Variants in ZNF251 observed in about 807,000 individuals in gnomAD.
The protein encoded by ZNF251 is zinc finger protein 251.
ZNF251 carries 14 observed loss-of-function variants against 13.5 expected under a neutral mutation model. That is an observed-to-expected ratio of 1.04 (90% CI 0.69 to 1.63). ZNF251 has a LOEUF of 1.63. ZNF251 is among the 40% of genes most tolerant of loss of function. The probability of loss-of-function intolerance (pLI) is 0.00; values close to 1 mark genes in which losing one functional copy is unlikely to be tolerated. For synonymous variants in ZNF251, 287 were observed against 295.2 expected (o/e 0.97, Z 0.28); for missense variants, 764 against 834.9 (o/e 0.92, Z 1.05).
chr8:144,747,249 G>A (rs1323478629), intron 4 of ZNF251, among the ~76,000 whole-genome samples: 1 of 152,162 alleles, frequency 6.6e-6, no homozygotes, highest in Non-Finnish European at 1.5e-5. Flanking sequence ...TATTTGCCAA[G>A]TACTTTAGGA....
Position 144,724,614 on chromosome 8 carries a change from T to C in ZNF251, c.278-1232A>G, listed in dbSNP as rs532381353. Among the ~76,000 whole-genome samples the C allele has an allele frequency of 2.4e-4, 37 of 152,308 alleles. No individual in the cohort carries two copies. In the East Asian group the frequency reaches 4.0e-3, roughly 17 times the overall value. Reference sequence around the variant, plus strand: ...TCCTAAGTGGACTGCCATATGTACGTTGAAATGACTACAATGATGCTCGCT... The same window carrying C: ...TCCTAAGTGGACTGCCATATGTACGCTGAAATGACTACAATGATGCTCGCT... On this transcript the variant is annotated intron_variant, in intron 4 of 4. Transcript: ENST00000292562.
intron 4 of ZNF251, among the ~76,000 whole-genome samples, chr8:144,728,594 C>T (rs371278406): frequency 1.4e-5 from 2 of 143,974 alleles, no homozygotes; most frequent in African/African-American, 2.6e-5. Flanking sequence ...ACCCGGGAGG[C>T]GGAGCTTGCA....
intron 3 of ZNF251, among the ~76,000 whole-genome samples, 193 bp downstream of exon 3, chr8:144,753,999 C>A (rs1586713445): frequency 6.6e-6 from 1 of 152,202 alleles, no homozygotes; most frequent in East Asian, 1.9e-4. Context: ...CCACTGGCAA[C>A]AGGGAGTGAA....
rs1823808564 is a variant in ZNF251, at chr8:144,734,123, AG to A, written c.278-10742del. On this transcript the variant is annotated intron_variant, in intron 4 of 4. Transcript: ENST00000292562. The surrounding 1 kb of genome is among the most constrained non-coding windows in gnomAD (Gnocchi z 4.4). Reference sequence around the variant, plus strand: ...CCCAGGAGGCGCCCACTCAGACCACAGTCCCTCTGTTGGGACCTTCCCATGC... The same window carrying A: ...CCCAGGAGGCGCCCACTCAGACCACATCCCTCTGTTGGGACCTTCCCATGC... 6.6e-6 allele frequency among the ~76,000 whole-genome samples: 1 copy of A among 152,156 alleles called. No individual in the cohort carries two copies. The highest frequency in any genetic ancestry group is 6.5e-5 in the Admixed American group (1 of 15,272).
chr8:144,739,402 G>A (rs985354898), intron 4 of ZNF251, among the ~76,000 whole-genome samples: 6 of 151,742 alleles, frequency 4.0e-5, no homozygotes, highest in African/African-American at 9.7e-5. Context: ...CACAAATCAC[G>A]ACTCCACTCC....
intron 4 of ZNF251, chr8:144,753,449 AAAAAT>A (rs1824796448): frequency 2.3e-6 from 1 of 443,976 alleles, no homozygotes; most frequent in Non-Finnish European, 4.0e-6. Context: ...TCACCAAAAC[AAAAAT>A]ATGATCAGAA....
chr8:144,749,884 CT>C (rs58426780), intron 4 of ZNF251, among the ~76,000 whole-genome samples: 55,516 of 128,132 alleles, frequency 0.43, 10,791 homozygotes, highest in Middle Eastern at 0.52. Context: ...TCTTTTTTTT[CT>C]TTTTTTTTTT....
At chr8:144,748,112 C>T (rs1026162996) in intron 4 of ZNF251, among the ~76,000 whole-genome samples, 3 of 150,964 alleles carry the variant, frequency 2.0e-5, no homozygotes, top group South Asian at 2.1e-4. Context: ...CTCACTCTGT[C>T]GCCCAGGCTG....
intron 4 of ZNF251, among the ~76,000 whole-genome samples, chr8:144,732,609 G>A (rs1003913689): frequency 1.3e-4 from 20 of 151,218 alleles, no homozygotes; most frequent in Middle Eastern, 3.5e-3. Flanking sequence ...TCAGGAGATG[G>A]AGACCATCCT....
intron 4 of ZNF251, among the ~76,000 whole-genome samples, chr8:144,740,443 C>T (rs967871208): frequency 2.6e-5 from 4 of 151,842 alleles, no homozygotes; most frequent in African/African-American, 9.7e-5. Context: ...TCGAGACCAC[C>T]CTGGCCAACA....
At chr8:144,738,481 G>A in intron 4 of ZNF251, 1 of 904,800 alleles carries the variant, frequency 1.1e-6, no homozygotes, top group African/African-American at 1.8e-5. Context: ...GCAACTGCGG[G>A]ACCAGGCTGA....
intron 4 of ZNF251, among the ~76,000 whole-genome samples, chr8:144,737,462 T>A (rs1182315624): frequency 2.7e-5 from 4 of 148,962 alleles, no homozygotes; most frequent in African/African-American, 1.0e-4. Context: ...AGAGTGCAGA[T>A]CTCGCCACTG....
In ZNF251 at chr8:144,755,476, G is replaced by C. The variant is rs1292473144; in HGVS notation, c.-147C>G. ...GCGCAGTCGCACCGAGCCCGGAACG[G>C]ACCCTCCCACAGAACCGGGTCCAGA... On this transcript the variant is annotated 5_prime_UTR_variant, in exon 1 of 5. Transcript: ENST00000292562. 2 of 1,287,370 alleles carry C rather than the reference G, an allele frequency of 1.6e-6. No individual in the cohort carries two copies. Among genetic ancestry groups the C allele is most frequent in the African/African-American group, 1.5e-5 (1 of 65,734 alleles). 79.7% of individuals were successfully genotyped at this position (1,287,370 alleles called of 1,614,324 possible).
chr8:144,755,191 C>G, intron 1 of ZNF251: 1 of 1,170,994 alleles, frequency 8.5e-7, no homozygotes, highest in East Asian at 7.1e-5. Flanking sequence ...GCCCCAGGCT[C>G]CGGGGAGAGG....
In ZNF251 at chr8:144,754,467, C is replaced by T. The variant is rs1469585732; in HGVS notation, c.34-146G>A. The T allele has an allele frequency of 4.2e-6, 6 of 1,444,840 alleles. No individual in the cohort carries two copies. In the East Asian group the frequency reaches 1.5e-4, roughly 36 times the overall value. The allele number at this position is 1,444,840 out of a possible 1,614,324, so 89.5% of individuals were successfully genotyped here. ...TATCAGCAGGTCCCTGATGGGGCAGCTGAGAGCGCTGAGGACCAGCCAACT... is the reference window on the plus strand; with the variant it reads ...TATCAGCAGGTCCCTGATGGGGCAGTTGAGAGCGCTGAGGACCAGCCAACT... On this transcript the variant is annotated intron_variant, in intron 2 of 4. Transcript: ENST00000292562.
chr8:144,745,243 T>C (rs2130048946), intron 4 of ZNF251, among the ~76,000 whole-genome samples: 1 of 151,806 alleles, frequency 6.6e-6, no homozygotes, highest in Non-Finnish European at 1.5e-5. Context: ...GCACCATTTC[T>C]TGAAAAGATC....
At chr8:144,728,536 G>A (rs558487012) in intron 4 of ZNF251, among the ~76,000 whole-genome samples, 18 of 151,646 alleles carry the variant, frequency 1.2e-4, no homozygotes, top group African/African-American at 3.6e-4. Flanking sequence ...GGTGGTGGGC[G>A]CCTGTAGTCC....
intron 4 of ZNF251, among the ~76,000 whole-genome samples, chr8:144,741,246 G>A (rs1824152177): frequency 6.6e-6 from 1 of 152,228 alleles, no homozygotes; most frequent in South Asian, 2.1e-4. Context: ...CAACACACAA[G>A]CCTCAGAAAG....
At chr8:144,733,700 T>A (rs910639037) in intron 4 of ZNF251, among the ~76,000 whole-genome samples, 1 of 152,042 alleles carries the variant, frequency 6.6e-6, no homozygotes, top group African/African-American at 2.4e-5. Flanking sequence ...TCGCCCTCCA[T>A]CCTCTCTCCT....
Sources: allele counts gnomAD v4.1 joint callset (sites outside exome capture counted in the v4.1 genomes callset), GRCh38; gene constraint gnomAD v4.1.1; non-coding constraint Gnocchi (gnomAD v3.1); transcripts MANE v1.5; gene names NCBI Gene and HGNC (gene_info 2026-07-23, HGNC 2026-07-21).